Variants in LRRC4C observed in about 807,000 individuals in gnomAD.
The protein encoded by LRRC4C is leucine rich repeat containing 4C.
LRRC4C carries 5 observed loss-of-function variants against 33.6 expected under a neutral mutation model. The observed-to-expected ratio is 0.15, with a 90% CI of 0.08 to 0.31. The LOEUF is 0.31. Among genes scored for constraint, LRRC4C ranks in the 10% least tolerant of loss-of-function variants. The pLI, the probability that LRRC4C is intolerant of heterozygous loss-of-function variation, is 1.00. For missense variants in LRRC4C, 560 were observed against 796.7 expected (o/e 0.70, Z 3.58); for synonymous variants, 329 against 302.0 (o/e 1.09, Z -0.93).
At chr11:40,588,269 T>C (rs945667391) in intron 3 of LRRC4C, among the ~76,000 whole-genome samples, 2 of 151,448 alleles carry the variant, frequency 1.3e-5, no homozygotes, top group Non-Finnish European at 3.0e-5. Flanking sequence ...TGCGTAGAGG[T>C]GTTTGTAGTA....
chr11:41,054,258 A>G (rs1405984195), intron 1 of LRRC4C, among the ~76,000 whole-genome samples: 2 of 152,172 alleles, frequency 1.3e-5, no homozygotes, highest in Non-Finnish European at 2.9e-5. Context: ...CTATGAAGTG[A>G]ATAGTGTGGA....
chr11:41,246,134 C>T (rs941251095), intron 1 of LRRC4C, among the ~76,000 whole-genome samples: 8 of 152,130 alleles, frequency 5.3e-5, no homozygotes, highest in African/African-American at 9.7e-5. Context: ...GTTTATCTGC[C>T]GTCCATGGCA....
intron 2 of LRRC4C, among the ~76,000 whole-genome samples, chr11:40,671,646 A>AGTGTGT (rs145275244): frequency 0.045 from 6,389 of 140,516 alleles, 180 homozygotes; most frequent in Middle Eastern, 0.077. Context: ...GTCCTTATTC[A>AGTGTGT]GTGTGTGTGT....
chr11:41,418,047 A>C (rs1954751087), intron 1 of LRRC4C, among the ~76,000 whole-genome samples: 1 of 151,454 alleles, frequency 6.6e-6, no homozygotes, highest in Admixed American at 6.6e-5. Context: ...TAGCTCTTAA[A>C]CTCTATTAGA....
intron 2 of LRRC4C, among the ~76,000 whole-genome samples, chr11:40,922,279 T>A (rs147306542): frequency 6.6e-6 from 1 of 152,300 alleles, no homozygotes; most frequent in African/African-American, 2.4e-5. Flanking sequence ...TATTATACTG[T>A]TTAATGAGAA....
chr11:40,538,965 C>T (rs1416142467), intron 3 of LRRC4C, among the ~76,000 whole-genome samples: 1 of 152,086 alleles, frequency 6.6e-6, no homozygotes, highest in Non-Finnish European at 1.5e-5. Flanking sequence ...TGTTAATATC[C>T]TTTGCCCACT....
At chr11:40,301,782 A>C (rs1944784592) in intron 4 of LRRC4C, among the ~76,000 whole-genome samples, 1 of 152,212 alleles carries the variant, frequency 6.6e-6, no homozygotes, top group African/African-American at 2.4e-5. Context: ...CCAGGCCTCC[A>C]GCTGATTTAG....
At chr11:40,776,747 GT>G (rs1950015135) in intron 2 of LRRC4C, among the ~76,000 whole-genome samples, 1 of 151,758 alleles carries the variant, frequency 6.6e-6, no homozygotes, top group African/African-American at 2.4e-5. Context: ...TCTGATATTA[GT>G]TATTTCTTTT....
chr11:40,258,634 T>C (rs1429033917), intron 4 of LRRC4C, among the ~76,000 whole-genome samples: 7 of 152,180 alleles, frequency 4.6e-5, no homozygotes, highest in Admixed American at 1.3e-4. Context: ...CCAGCACCTT[T>C]TCCATTCTAC....
intron 1 of LRRC4C, among the ~76,000 whole-genome samples, chr11:41,110,715 T>C (rs1383573011): frequency 1.3e-5 from 2 of 152,088 alleles, no homozygotes; most frequent in Admixed American, 1.3e-4. Flanking sequence ...TTTCATCTCT[T>C]CTTGACTCTT....
At chr11:41,232,735 A>G (rs182042157) in intron 1 of LRRC4C, among the ~76,000 whole-genome samples, 3 of 144,528 alleles carry the variant, frequency 2.1e-5, no homozygotes, top group East Asian at 4.0e-4. Context: ...TATTACATAC[A>G]TGTGTTATCA....
intron 1 of LRRC4C, among the ~76,000 whole-genome samples, chr11:41,360,675 T>C (rs191606449): frequency 6.6e-6 from 1 of 152,196 alleles, no homozygotes; most frequent in East Asian, 1.9e-4. Context: ...GAAAACAGCA[T>C]GTGCAAAGAA....
intron 1 of LRRC4C, among the ~76,000 whole-genome samples, chr11:41,398,429 G>A (rs913899558): frequency 2.0e-5 from 3 of 151,944 alleles, no homozygotes; most frequent in African/African-American, 7.2e-5. Context: ...CTTCCTTTCA[G>A]TTAATTTACT....
At chr11:40,432,025 T>G (rs2137863098) in intron 3 of LRRC4C, among the ~76,000 whole-genome samples, 1 of 152,318 alleles carries the variant, frequency 6.6e-6, no homozygotes. Context: ...GACTGGTGTT[T>G]GAGCACAGGT....
At chr11:40,306,516 G>A (rs1945039613) in intron 4 of LRRC4C, among the ~76,000 whole-genome samples, 1 of 152,146 alleles carries the variant, frequency 6.6e-6, no homozygotes, top group Non-Finnish European at 1.5e-5. Flanking sequence ...TGTATGGCAT[G>A]TGTCCCTTCC....
chr11:40,165,484 G>A (rs1859514442), intron 5 of LRRC4C, among the ~76,000 whole-genome samples: 1 of 152,126 alleles, frequency 6.6e-6, no homozygotes, highest in Non-Finnish European at 1.5e-5. Flanking sequence ...ATAAAAATTA[G>A]TGAGGAGTAG....
intron 3 of LRRC4C, among the ~76,000 whole-genome samples, chr11:40,538,496 T>G (rs982465843): frequency 6.6e-6 from 1 of 152,180 alleles, no homozygotes; most frequent in Non-Finnish European, 1.5e-5. Context: ...TATTCCATGG[T>G]GTATATGTGC....
In LRRC4C at chr11:40,313,934, A is replaced by C. The variant is rs185795476; in HGVS notation, c.-176+5694T>G. On this transcript the variant is annotated intron_variant, in intron 4 of 6. Coordinates refer to ENST00000528697, the MANE Select transcript of LRRC4C (RefSeq NM_001258419.2). ...GGCCCGTGGGGAAATTCTTTAGCAC[A>C]TTGGTCTGGGAAAACATTTTATGAA... is the stretch of plus-strand genomic sequence containing the variant. 1.9e-3 allele frequency among the ~76,000 whole-genome samples: 282 copies of C among 152,152 alleles called. 2 individuals carry two copies. The highest frequency in any genetic ancestry group is 3.1e-3 in the Non-Finnish European group (214 of 68,018).
intron 1 of LRRC4C, among the ~76,000 whole-genome samples, chr11:41,073,413 G>C (rs1258364522): frequency 1.3e-5 from 2 of 152,122 alleles, no homozygotes; most frequent in Non-Finnish European, 2.9e-5. Context: ...ATTTATGGGA[G>C]ATCTACCCCG....
Sources: allele counts gnomAD v4.1 joint callset (sites outside exome capture counted in the v4.1 genomes callset), GRCh38; gene constraint gnomAD v4.1.1; transcripts MANE v1.5; gene names NCBI Gene and HGNC (gene_info 2026-07-23, HGNC 2026-07-21).